Variants in TSC22D3 observed in about 807,000 individuals in gnomAD.
TSC22D3 encodes the protein TSC22 domain family member 3.
TSC22D3 carries 4 observed loss-of-function variants against 11.1 expected under a neutral mutation model. That is an observed-to-expected ratio of 0.36 (90% CI 0.18 to 0.83). The LOEUF is 0.83. Among genes scored for constraint, TSC22D3 ranks in the 40% least tolerant of loss-of-function variants. The pLI is 0.48. For synonymous variants in TSC22D3, 77 were observed against 70.3 expected (o/e 1.10, Z -0.48); for missense variants, 118 against 159.4 (o/e 0.74, Z 1.40).
chrX:107,763,806 C>A (rs1245994115), intron 1 of TSC22D3, among the ~76,000 whole-genome samples: 1 of 112,562 alleles, frequency 8.9e-6, no homozygotes, highest in Admixed American at 9.4e-5. Context: ...ACATTTCCTA[C>A]TGTCATGGAC....
At chrX:107,754,459 G>A (rs1268334580) in intron 1 of TSC22D3, among the ~76,000 whole-genome samples, 2 of 111,614 alleles carry the variant, frequency 1.8e-5, no homozygotes, top group Admixed American at 9.6e-5. Context: ...CTAGAAGGTC[G>A]GTGGGGGGCA....
chrX:107,775,483 C>T lies in TSC22D3; in HGVS notation c.-64G>A. 1 of 976,749 alleles carries T rather than the reference C, an allele frequency of 1.0e-6. No individual in the cohort carries two copies. The highest frequency in any genetic ancestry group is 1.4e-6 in the Non-Finnish European group (1 of 723,353). The allele number at this position is 976,749 out of a possible 1,213,427, so 80.5% of individuals were successfully genotyped here. A position where few individuals can be genotyped will look rare whatever the true frequency, so the allele number is the denominator to read the frequency against. ...GGGCGGCTGGCAGGTGCGCGCCCAC[C>T]GAGCTGGCCTGAGGGGACTCCAGGG... On this transcript the variant is annotated 5_prime_UTR_variant, in exon 1 of 3. Coordinates refer to ENST00000372383, the MANE Select transcript of TSC22D3 (RefSeq NM_198057.3).
chrX:107,756,927 G>GCC (rs1286353593), intron 1 of TSC22D3, among the ~76,000 whole-genome samples: 1 of 112,233 alleles, frequency 8.9e-6, no homozygotes, highest in Admixed American at 9.4e-5. Flanking sequence ...AGCACGTGGT[G>GCC]CCCCCAGCTG....
At chrX:107,758,520 C>A (rs1893442053) in intron 1 of TSC22D3, among the ~76,000 whole-genome samples, 1 of 111,665 alleles carries the variant, frequency 9.0e-6, no homozygotes, top group Non-Finnish European at 1.9e-5. Flanking sequence ...CTGTATATAG[C>A]AGCAGTCAGA....
chrX:107,759,929 G>A (rs1028026567), intron 1 of TSC22D3, among the ~76,000 whole-genome samples: 4 of 112,334 alleles, frequency 3.6e-5, no homozygotes, highest in African/African-American at 1.3e-4. Context: ...ACGGTCCTGA[G>A]TGTCTTCAGG....
chrX:107,721,309 C>T (rs1360105727), intron 1 of TSC22D3, among the ~76,000 whole-genome samples: 2 of 111,842 alleles, frequency 1.8e-5, no homozygotes, highest in African/African-American at 6.5e-5. Context: ...TCATCTTTTC[C>T]CCTTCAAAAG....
At chrX:107,770,319 G>A (rs1222447791) in intron 1 of TSC22D3, among the ~76,000 whole-genome samples, 2 of 111,395 alleles carry the variant, frequency 1.8e-5, no homozygotes, top group African/African-American at 6.6e-5. Context: ...CCGTGTGAGT[G>A]GCCACCACCT....
intron 1 of TSC22D3, chrX:107,716,319 C>T: frequency 1.1e-6 from 1 of 922,360 alleles, no homozygotes; most frequent in East Asian, 5.5e-5. Context: ...ACCTACCCGG[C>T]TCTGAAGCTA....
intron 1 of TSC22D3, among the ~76,000 whole-genome samples, chrX:107,738,307 C>G (rs1303746032): frequency 8.9e-6 from 1 of 112,847 alleles, no homozygotes; most frequent in African/African-American, 3.2e-5. Flanking sequence ...TTAAACACCC[C>G]ATCCCTACCT....
At position 107,775,620 on chromosome X, in the gene TSC22D3, G is replaced by A; in HGVS notation, c.-201C>T. 2.7e-6 allele frequency: 1 copy of A among 370,721 alleles called. No homozygotes were observed. The highest frequency in any genetic ancestry group is 4.7e-6 in the Non-Finnish European group (1 of 214,511). 30.6% of individuals were successfully genotyped at this position (370,721 alleles called of 1,213,427 possible). ...ACTGCTCCGGGTGCGAATAGAAACAGCTGGACAAACAGCTCCGAGCGGATC... is the reference window on the plus strand; with the variant it reads ...ACTGCTCCGGGTGCGAATAGAAACAACTGGACAAACAGCTCCGAGCGGATC... On this transcript the variant is annotated 5_prime_UTR_variant, in exon 1 of 3. Transcript: ENST00000372383.
chrX:107,718,881 C>A (rs1373196196), intron 1 of TSC22D3, among the ~76,000 whole-genome samples: 1 of 110,745 alleles, frequency 9.0e-6, no homozygotes, highest in Admixed American at 9.6e-5. Flanking sequence ...GTAGACAGAA[C>A]AAAGTGCAGG....
chrX:107,745,239 T>C (rs183038025), intron 1 of TSC22D3, among the ~76,000 whole-genome samples: 259 of 111,874 alleles, frequency 2.3e-3, no homozygotes, highest in Non-Finnish European at 2.8e-3. Flanking sequence ...TTCCATTCCA[T>C]CCCAGCATCC....
Position 107,713,730 on chromosome X carries a change from A to G in TSC22D3, c.*789T>C, listed in dbSNP as rs1926853893. 1 of 111,945 alleles carries G rather than the reference A, an allele frequency of 8.9e-6. No homozygotes were observed. Among genetic ancestry groups the G allele is most frequent in the Admixed American group, 9.4e-5 (1 of 10,606 alleles). 9.2% of individuals were successfully genotyped at this position (111,945 alleles called of 1,213,427 possible). Reference sequence around the variant, plus strand: ...AAAAGACAAACTGGGTCAACTTGGTAAATGAACACAGTCAAAGACTTAGCC... The same window carrying G: ...AAAAGACAAACTGGGTCAACTTGGTGAATGAACACAGTCAAAGACTTAGCC... On this transcript the variant is annotated 3_prime_UTR_variant, in exon 3 of 3. Transcript: ENST00000372383.
intron 1 of TSC22D3, among the ~76,000 whole-genome samples, chrX:107,725,547 C>T (rs1927578217): frequency 8.9e-6 from 1 of 111,967 alleles, no homozygotes; most frequent in Admixed American, 9.4e-5. Flanking sequence ...GCACTGAGAC[C>T]CATTTCGTGT....
At chrX:107,715,601 A>G (rs889933260) in intron 2 of TSC22D3, among the ~76,000 whole-genome samples, 3 of 112,202 alleles carry the variant, frequency 2.7e-5, no homozygotes, top group Non-Finnish European at 3.8e-5. Flanking sequence ...GATGCACACA[A>G]ATGCAAGAGT....
At chrX:107,717,305 A>G (rs1927099801) in intron 1 of TSC22D3, among the ~76,000 whole-genome samples, 1 of 112,647 alleles carries the variant, frequency 8.9e-6, no homozygotes. Flanking sequence ...AATAAGAAAT[A>G]CAAATGCCCT....
At chrX:107,768,206 C>G (rs1347232812) in intron 1 of TSC22D3, among the ~76,000 whole-genome samples, 1 of 111,872 alleles carries the variant, frequency 8.9e-6, no homozygotes, top group African/African-American at 3.3e-5. Context: ...CTCATTCCTC[C>G]CAACCAACCC....
chrX:107,736,025 C>G (rs1928119596), intron 1 of TSC22D3, among the ~76,000 whole-genome samples: 1 of 112,059 alleles, frequency 8.9e-6, no homozygotes, highest in African/African-American at 3.3e-5. Context: ...AGCCAATACT[C>G]TAACCAGGCC....
chrX:107,775,327 T>G lies in TSC22D3; in HGVS notation c.93A>C (p.Arg31=). 1 of 1,211,022 alleles carries G rather than the reference T, an allele frequency of 8.3e-7. No individual in the cohort carries two copies. Among genetic ancestry groups the G allele is most frequent in the Non-Finnish European group, 1.1e-6 (1 of 895,067 alleles). Residue 31 remains arginine (R), a synonymous_variant, in exon 1 of 3, where the codon CGA becomes CGC. Transcript: ENST00000372383. The part of the protein sequence containing the change: ...LDLAHRSGLQ[R]GSSGENNNPG... The stretch of plus-strand genomic sequence containing the variant: ...GGTTGTTGTTCTCCCCGCTGCTGCC[T>G]CGCTGGAGCCCACTCCGATGGGCCA...
Sources: gnomAD v4.1 joint callset for allele counts (sites outside exome capture counted in the v4.1 genomes callset) on GRCh38, gnomAD v4.1.1 for gene constraint, MANE v1.5 for transcripts, NCBI Gene and HGNC (gene_info 2026-07-23, HGNC 2026-07-21) for gene names.